Variants in MECOM observed in about 807,000 individuals in gnomAD.
The protein encoded by MECOM is MDS1 and EVI1 complex locus, also known as histone-lysine N-methyltransferase MECOM.
MECOM carries 13 observed loss-of-function variants against 116.3 expected under a neutral mutation model. The ratio of observed to expected loss-of-function variants is 0.11; its 90% confidence interval spans 0.07 to 0.18. MECOM has a LOEUF of 0.18. Among genes scored for constraint, MECOM ranks in the 10% least tolerant of loss-of-function variants. The pLI is 1.00. For missense variants in MECOM, 1,299 were observed against 1,509.0 expected, an observed-to-expected ratio of 0.86 and a Z score of 2.31; for synonymous variants, 528 against 535.2, an observed-to-expected ratio of 0.99 and a Z score of 0.19.
intron 2 of MECOM, among the ~76,000 whole-genome samples, chr3:169,307,303 G>T (rs1000539419): frequency 6.6e-6 from 1 of 151,988 alleles, no homozygotes; most frequent in African/African-American, 2.4e-5. Context: ...CCACACAAAC[G>T]CCAAAATAAT....
At chr3:169,386,916 A>G (rs2108311547) in intron 1 of MECOM, among the ~76,000 whole-genome samples, 1 of 152,322 alleles carries the variant, frequency 6.6e-6, no homozygotes, top group South Asian at 2.1e-4. Flanking sequence ...TACAGAAACT[A>G]AATATTCTTA....
chr3:169,489,640 G>A (rs1342854678), intron 1 of MECOM, among the ~76,000 whole-genome samples: 2 of 151,902 alleles, frequency 1.3e-5, no homozygotes, highest in Admixed American at 6.6e-5. Context: ...AAATCAGTGG[G>A]GAAAAGAATA....
rs185806511 is a variant in MECOM at position 169,191,335 on chromosome 3, A to T, written c.376-47503T>A. Among the ~76,000 whole-genome samples the T allele has an allele frequency of 4.6e-3, 693 of 150,994 alleles. 2 individuals carry two copies. The highest frequency in any genetic ancestry group is 6.5e-3 in the Non-Finnish European group (438 of 67,690). On this transcript the variant is annotated intron_variant, in intron 2 of 16. Coordinates refer to ENST00000651503, the MANE Select transcript of MECOM (RefSeq NM_004991.4). Reference sequence around the variant, plus strand: ...AAGCACATTCAGGACTATAGGAGTAAAGAAGAGCACCTGCCTGGACCAGGG... The same window carrying T: ...AAGCACATTCAGGACTATAGGAGTATAGAAGAGCACCTGCCTGGACCAGGG...
chr3:169,152,002 CTGTT>C (rs1271676598), intron 2 of MECOM, among the ~76,000 whole-genome samples: 1 of 151,884 alleles, frequency 6.6e-6, no homozygotes, highest in Non-Finnish European at 1.5e-5. Context: ...AGGTGATATT[CTGTT>C]TAATTTTAAT....
At chr3:169,114,794 A>G (rs1313439988) in intron 8 of MECOM, among the ~76,000 whole-genome samples, 1 of 152,220 alleles carries the variant, frequency 6.6e-6, no homozygotes, top group Non-Finnish European at 1.5e-5. Context: ...GCTACATCAA[A>G]GGAAACCGGA....
chr3:169,210,619 T>C (rs1206094413), intron 2 of MECOM, among the ~76,000 whole-genome samples: 1 of 152,106 alleles, frequency 6.6e-6, no homozygotes, highest in Non-Finnish European at 1.5e-5. Context: ...TCTCTCTTTC[T>C]CCCTATCAAT....
chr3:169,089,972 A>G, intron 15 of MECOM, 28 bp downstream of exon 15: 1 of 1,600,908 alleles, frequency 6.2e-7, no homozygotes, highest in South Asian at 1.1e-5. Context: ...ACTCTAGCTT[A>G]GTTTCTAAAG....
chr3:169,281,497 T>A (rs1367722566), intron 2 of MECOM, among the ~76,000 whole-genome samples: 2 of 152,174 alleles, frequency 1.3e-5, no homozygotes, highest in Non-Finnish European at 2.9e-5. Flanking sequence ...CAAAATCATA[T>A]GTTTGATTTA....
At chr3:169,097,042 A>G (rs1478894550) in intron 12 of MECOM, among the ~76,000 whole-genome samples, 1 of 152,026 alleles carries the variant, frequency 6.6e-6, no homozygotes. Flanking sequence ...GCCCACTGCA[A>G]TGAGAACCAT....
At chr3:169,494,506 A>G (rs937519360) in intron 1 of MECOM, among the ~76,000 whole-genome samples, 3 of 152,230 alleles carry the variant, frequency 2.0e-5, no homozygotes, top group African/African-American at 4.8e-5. Flanking sequence ...AGATCAAACT[A>G]TTCTCAAGGT....
intron 1 of MECOM, among the ~76,000 whole-genome samples, chr3:169,428,121 T>C (rs764877968): frequency 1.3e-4 from 20 of 152,146 alleles, no homozygotes; most frequent in Non-Finnish European, 1.9e-4. Context: ...CAGAAGTTGC[T>C]GTGAGCCAAC....
chr3:169,465,619 C>A (rs368835186), intron 1 of MECOM, among the ~76,000 whole-genome samples: 1 of 152,148 alleles, frequency 6.6e-6, no homozygotes, highest in East Asian at 1.9e-4. Context: ...AATGACATCA[C>A]TTCATTTCAC....
At chr3:169,322,502 C>CT (rs1442960718) in intron 2 of MECOM, among the ~76,000 whole-genome samples, 1 of 152,126 alleles carries the variant, frequency 6.6e-6, no homozygotes, top group Non-Finnish European at 1.5e-5. Flanking sequence ...CACATGAAAA[C>CT]TTTTTTCCCA....
chr3:169,445,404 C>T (rs1426441609), intron 1 of MECOM, among the ~76,000 whole-genome samples: 1 of 152,174 alleles, frequency 6.6e-6, no homozygotes, highest in South Asian at 2.1e-4. Flanking sequence ...GGGTGGAAGC[C>T]CCAAATCTTG....
intron 1 of MECOM, among the ~76,000 whole-genome samples, chr3:169,588,614 T>A (rs1456758420): frequency 6.6e-6 from 1 of 151,736 alleles, no homozygotes; most frequent in Non-Finnish European, 1.5e-5. Flanking sequence ...GATGGAGAGA[T>A]TTTTTTTTAA....
intron 2 of MECOM, among the ~76,000 whole-genome samples, chr3:169,225,095 C>T (rs1329658883): frequency 6.6e-6 from 1 of 152,078 alleles, no homozygotes; most frequent in Admixed American, 6.6e-5. Context: ...TAATGCTAAC[C>T]AATTTATTGA....
chr3:169,518,265 A>G (rs9851480), intron 1 of MECOM, among the ~76,000 whole-genome samples: 12,108 of 151,994 alleles, frequency 0.08, 1,615 homozygotes, highest in African/African-American at 0.28. Context: ...TCTCAAAAAA[A>G]AAAAGAAAAG....
At chr3:169,509,517 C>T (rs1034919614) in intron 1 of MECOM, among the ~76,000 whole-genome samples, 5 of 152,262 alleles carry the variant, frequency 3.3e-5, no homozygotes, top group African/African-American at 1.2e-4. Context: ...GCCTCCTCCC[C>T]CATTTCCTCC....
At chr3:169,365,018 T>A (rs1037208291) in intron 2 of MECOM, among the ~76,000 whole-genome samples, 5 of 152,078 alleles carry the variant, frequency 3.3e-5, no homozygotes, top group Non-Finnish European at 7.4e-5. Context: ...ATAATGATAA[T>A]TCTTTTTCTT....
Sources: gnomAD v4.1 joint callset for allele counts (sites outside exome capture counted in the v4.1 genomes callset) on GRCh38, gnomAD v4.1.1 for gene constraint, MANE v1.5 for transcripts, NCBI Gene and HGNC (gene_info 2026-07-23, HGNC 2026-07-21) for gene names.